Variants in FLCN observed in about 807,000 individuals in gnomAD.
FLCN encodes BHD skin lesion fibrofolliculoma protein.
A neutral mutation model predicts 62.5 loss-of-function variants in FLCN; 22 were observed. That is an observed-to-expected ratio of 0.35 (90% CI 0.25 to 0.50). FLCN has a LOEUF of 0.50. Ranked by LOEUF, FLCN falls within the 20% of genes least tolerant of loss-of-function variation. The probability of loss-of-function intolerance (pLI) is 0.97; values close to 1 mark genes in which losing one functional copy is unlikely to be tolerated. For missense variants in FLCN, 657 were observed against 778.0 expected (o/e 0.84, Z 1.85); for synonymous variants, 319 against 310.0 (o/e 1.03, Z -0.30).
chr17:17,234,774 G>A (rs1485240496), intron 1 of FLCN, among the ~76,000 whole-genome samples: 6 of 150,706 alleles, frequency 4.0e-5, no homozygotes, highest in East Asian at 2.0e-4. Context: ...TCAGGAGTTC[G>A]AGACCAGCCT....
At chr17:17,213,971 A>C in intron 13 of FLCN, 115 bp from the exon 14 acceptor site, 1 of 1,145,556 alleles carries the variant, frequency 8.7e-7, no homozygotes, top group Admixed American at 1.8e-5. Context: ...GTGCAGGCAG[A>C]GCTGGAATCC....
chr17:17,228,262 T>C (rs2047320310), intron 3 of FLCN, 101 bp from the exon 4 acceptor site: 4 of 1,445,420 alleles, frequency 2.8e-6, no homozygotes, highest in Non-Finnish European at 2.8e-6. Flanking sequence ...TGCCATGGAC[T>C]TCCTGCCCAG....
intron 3 of FLCN, 33 bp from the exon 4 acceptor site, chr17:17,228,194 A>T: frequency 6.3e-7 from 1 of 1,593,988 alleles, no homozygotes; most frequent in Non-Finnish European, 8.5e-7. Flanking sequence ...CAGCTTGCCA[A>T]TGCCTATTGA....
Position 17,222,608 on chromosome 17 carries a change from T to C in FLCN, c.672A>G (p.Thr224=), listed in dbSNP as rs1555609880. 1.2e-6 allele frequency: 2 copies of C among 1,614,102 alleles called. No homozygotes were observed. Among genetic ancestry groups the C allele is most frequent in the Admixed American group, 1.7e-5 (1 of 59,998 alleles). Residue 224 remains threonine, a synonymous_variant, in exon 7 of 14, where the codon ACA becomes ACG. Transcript: ENST00000285071. ...TCTGGTGTAGGAATGGCGTGAAGGCTGTGTTCATCCTCTGAGCACGCTGTG... is the reference window on the plus strand; with the variant it reads ...TCTGGTGTAGGAATGGCGTGAAGGCCGTGTTCATCCTCTGAGCACGCTGTG... The part of the protein sequence containing the change: ...GCPQRAQRMN[T]AFTPFLHQRN...
Position 17,212,319 on chromosome 17 carries a change from C to A in FLCN, c.*1336G>T, listed in dbSNP as rs7218992. On this transcript the variant is annotated 3_prime_UTR_variant, in exon 14 of 14. Transcript: ENST00000285071. ...AATATAAACACAAAAAAACTAGAAACAAATCAGCAAAACCATCAGAAAATC... is the reference window on the plus strand; with the variant it reads ...AATATAAACACAAAAAAACTAGAAAAAAATCAGCAAAACCATCAGAAAATC... 21,050 of 175,982 alleles carry A rather than the reference C, an allele frequency of 0.12. 1,374 individuals carry two copies. The highest frequency in any genetic ancestry group is 0.14 in the Middle Eastern group (65 of 456). 10.9% of individuals were successfully genotyped at this position (175,982 alleles called of 1,614,324 possible).
intron 1 of FLCN, 141 bp downstream of exon 1, chr17:17,236,771 G>C (rs546686184): frequency 1.3e-5 from 2 of 152,274 alleles, no homozygotes; most frequent in Non-Finnish European, 2.9e-5. Context: ...GTTAATGGGC[G>C]TGCCCCCAAC....
intron 5 of FLCN, 86 bp downstream of exon 5, chr17:17,226,090 T>C (rs769412710): frequency 6.3e-7 from 1 of 1,576,986 alleles, no homozygotes; most frequent in South Asian, 1.1e-5. Context: ...CCTGCCTCCC[T>C]GTGCAATGCT....
At chr17:17,235,591 G>T (rs1045868801) in intron 1 of FLCN, 1 of 152,194 alleles carries the variant, frequency 6.6e-6, no homozygotes, top group Non-Finnish European at 1.5e-5. Flanking sequence ...TTAGCTTTGC[G>T]GTCACCGGAG....
chr17:17,226,909 C>G (rs2047267415), intron 4 of FLCN, among the ~76,000 whole-genome samples: 1 of 152,198 alleles, frequency 6.6e-6, no homozygotes, highest in African/African-American at 2.4e-5. Flanking sequence ...CGCCCTGGAG[C>G]TGCTCCTACC....
chr17:17,215,133 C>A, intron 12 of FLCN, 43 bp from the exon 13 acceptor site: 1 of 1,613,936 alleles, frequency 6.2e-7, no homozygotes, highest in Non-Finnish European at 8.5e-7. Context: ...GGCGTTAGCG[C>A]GGGGCGGGGG....
chr17:17,218,949 G>A (rs150076642), intron 9 of FLCN, 70 bp downstream of exon 9: 24 of 1,554,210 alleles, frequency 1.5e-5, no homozygotes, highest in South Asian at 3.4e-5. Context: ...GAGGCAAGGC[G>A]TGTGGGCAGG....
intron 8 of FLCN, chr17:17,220,769 A>T (rs2047062779): frequency 5.8e-6 from 1 of 173,866 alleles, no homozygotes; most frequent in Non-Finnish European, 1.2e-5. Context: ...CCTGCAGGGC[A>T]TGGGGGTGGA....
intron 3 of FLCN, among the ~76,000 whole-genome samples, chr17:17,230,538 C>T (rs889363137): frequency 1.3e-5 from 2 of 150,768 alleles, no homozygotes; most frequent in African/African-American, 4.9e-5. Flanking sequence ...TCAAAAAAAA[C>T]CAAAAACAAC....
At chr17:17,227,188 G>A (rs1292645925) in intron 4 of FLCN, among the ~76,000 whole-genome samples, 1 of 152,136 alleles carries the variant, frequency 6.6e-6, no homozygotes, top group African/African-American at 2.4e-5. Context: ...ACCCACCCCT[G>A]ATTTTGGGCC....
chr17:17,223,436 C>A (rs117113606), intron 6 of FLCN, among the ~76,000 whole-genome samples: 430 of 140,702 alleles, frequency 3.1e-3, no homozygotes, highest in Non-Finnish European at 4.9e-3. Flanking sequence ...CCTGCCAGGA[C>A]GACCACAGCA....
chr17:17,231,396 C>T (rs1434622793), intron 3 of FLCN: 2 of 152,188 alleles, frequency 1.3e-5, no homozygotes, highest in Non-Finnish European at 2.9e-5. Flanking sequence ...GAATGGAGGG[C>T]TGGTGCTCAG....
rs539415254 is a variant in FLCN at position 17,237,111 on chromosome 17, C to T, written c.-427G>A. ...GCTCTCAAGCCCGGGTTCAGGCTCT[C>T]AGGGGAGCTGGCAGAACCAGGAGCG... On this transcript the variant is annotated 5_prime_UTR_variant, in exon 1 of 14. Transcript: ENST00000285071. 6.6e-6 allele frequency: 1 copy of T among 152,350 alleles called. No individual in the cohort carries two copies. The highest frequency in any genetic ancestry group is 2.1e-4 in the South Asian group (1 of 4,830). 9.4% of individuals were successfully genotyped at this position (152,350 alleles called of 1,614,324 possible). A position where few individuals can be genotyped will look rare whatever the true frequency, so the allele number is the denominator to read the frequency against.
In FLCN at chr17:17,213,344, C is replaced by G. The variant is rs1165704176; in HGVS notation, c.*311G>C. On this transcript the variant is annotated 3_prime_UTR_variant, in exon 14 of 14. Transcript: ENST00000285071. ...CCTGTTTCTCCTGCGGGTTTTGAGTCTAAGTCCACAAGGGGCCTGGGAGGC... is the reference window on the plus strand; with the variant it reads ...CCTGTTTCTCCTGCGGGTTTTGAGTGTAAGTCCACAAGGGGCCTGGGAGGC... 1.9e-6 allele frequency: 1 copy of G among 520,192 alleles called. No individual in the cohort carries two copies. Among genetic ancestry groups the G allele is most frequent in the African/African-American group, 1.9e-5 (1 of 52,824 alleles). 32.2% of individuals were successfully genotyped at this position (520,192 alleles called of 1,614,324 possible). A position where few individuals can be genotyped will look rare whatever the true frequency, so the allele number is the denominator to read the frequency against.
intron 3 of FLCN, 121 bp from the exon 4 acceptor site, chr17:17,228,282 C>T: frequency 8.3e-7 from 1 of 1,209,610 alleles, no homozygotes; most frequent in Non-Finnish European, 1.1e-6. Flanking sequence ...GGAGAGGCCA[C>T]CCGCCAGTTC....
Sources: gnomAD v4.1 joint callset for allele counts (sites outside exome capture counted in the v4.1 genomes callset) on GRCh38, gnomAD v4.1.1 for gene constraint, MANE v1.5 for transcripts, NCBI Gene and HGNC (gene_info 2026-07-23, HGNC 2026-07-21) for gene names.